The following MAPRE1 variants were observed in gnomAD, a reference collection of about 807,000 sequenced individuals.
The protein encoded by MAPRE1 is microtubule-associated protein RP/EB family member 1.
Under a neutral mutation model 32.1 loss-of-function variants are expected in MAPRE1, and 5 were observed. That is an observed-to-expected ratio of 0.16 (90% CI 0.08 to 0.33). MAPRE1 has a LOEUF of 0.33. MAPRE1 is among the 10% of genes least tolerant of loss of function. The pLI, the probability that MAPRE1 is intolerant of heterozygous loss-of-function variation, is 1.00. For missense variants in MAPRE1, 209 were observed against 327.2 expected (o/e 0.64, Z 2.79); for synonymous variants, 122 against 118.9 (o/e 1.03, Z -0.17).
At chr20:32,844,781 T>G (rs1332133665) in intron 5 of MAPRE1, among the ~76,000 whole-genome samples, 1 of 152,122 alleles carries the variant, frequency 6.6e-6, no homozygotes, top group Non-Finnish European at 1.5e-5. Flanking sequence ...GGCATGTGAT[T>G]AGAAGGCCCC....
intron 5 of MAPRE1, 68 bp from the exon 6 acceptor site, chr20:32,846,550 G>A: frequency 4.7e-6 from 7 of 1,480,108 alleles, no homozygotes; most frequent in Middle Eastern, 2.2e-4. Context: ...TTTTGGGTTA[G>A]AAGTCTGCCT....
chr20:32,823,614 A>G (rs1982762459), intron 1 of MAPRE1, among the ~76,000 whole-genome samples: 1 of 152,226 alleles, frequency 6.6e-6, no homozygotes, highest in African/African-American at 2.4e-5. Flanking sequence ...TACCGCACTT[A>G]AAACCTGAAA....
At chr20:32,843,456 G>A (rs1271453006) in intron 5 of MAPRE1, 4 of 152,168 alleles carry the variant, frequency 2.6e-5, no homozygotes, top group African/African-American at 4.8e-5. Context: ...GTCCAATGAA[G>A]GTAGAAGGTG....
chr20:32,832,963 A>T (rs1049763182), intron 2 of MAPRE1, among the ~76,000 whole-genome samples: 3 of 151,970 alleles, frequency 2.0e-5, no homozygotes, highest in Non-Finnish European at 2.9e-5. Context: ...AATAAATAAA[A>T]AATTAATAGA....
chr20:32,836,351 T>C (rs1382841154), intron 3 of MAPRE1, among the ~76,000 whole-genome samples: 1 of 152,226 alleles, frequency 6.6e-6, no homozygotes, highest in Non-Finnish European at 1.5e-5. Flanking sequence ...TCTTACGATG[T>C]GCTTGGATGG....
At chr20:32,841,994 A>G (rs1357785911) in intron 5 of MAPRE1, among the ~76,000 whole-genome samples, 2 of 151,448 alleles carry the variant, frequency 1.3e-5, no homozygotes, top group Admixed American at 6.6e-5. Context: ...AAAAGTTCAC[A>G]GGAACCAGTT....
At chr20:32,840,821 A>G (rs546953496) in intron 5 of MAPRE1, among the ~76,000 whole-genome samples, 2 of 152,116 alleles carry the variant, frequency 1.3e-5, no homozygotes, top group South Asian at 2.1e-4. Flanking sequence ...TTTATTTTTT[A>G]TTTTCTTTTT....
chr20:32,843,887 T>C (rs1212293801), intron 5 of MAPRE1, among the ~76,000 whole-genome samples: 1 of 151,588 alleles, frequency 6.6e-6, no homozygotes, highest in Non-Finnish European at 1.5e-5. Flanking sequence ...GGAGTTTTGC[T>C]CTGTCACACA....
chr20:32,842,830 T>C (rs7271735), intron 5 of MAPRE1, among the ~76,000 whole-genome samples: 6,795 of 152,196 alleles, frequency 0.045, 188 homozygotes, highest in East Asian at 0.078. Context: ...ACAACTCTTA[T>C]GGGGGAGAGT....
chr20:32,841,195 C>T (rs1395435575), intron 5 of MAPRE1, among the ~76,000 whole-genome samples: 3 of 152,190 alleles, frequency 2.0e-5, no homozygotes, highest in Non-Finnish European at 2.9e-5. Context: ...ACTGGGTCAC[C>T]GTCCTCATCC....
chr20:32,844,479 A>G (rs1436329025), intron 5 of MAPRE1, among the ~76,000 whole-genome samples: 2 of 91,132 alleles, frequency 2.2e-5, no homozygotes, highest in African/African-American at 8.6e-5. Flanking sequence ...TTGTGGCGTG[A>G]TCTCAGCTCA....
chr20:32,836,938 A>G, intron 4 of MAPRE1, 97 bp downstream of exon 4: 1 of 1,049,224 alleles, frequency 9.5e-7, no homozygotes, highest in African/African-American at 1.6e-5. Flanking sequence ...AGGCTTAGGG[A>G]TCTTAAGAAA....
chr20:32,840,807 CTTTTTTA>C (rs1256094418), intron 5 of MAPRE1, among the ~76,000 whole-genome samples: 1 of 152,152 alleles, frequency 6.6e-6, no homozygotes. Flanking sequence ...TCACATTTCA[CTTTTTTA>C]TTTTTTATTT....
Position 32,849,028 on chromosome 20 carries a change from T to C in MAPRE1, c.*300T>C, listed in dbSNP as rs994206215. ...CACACTGAATGCTGGAGAGATGTTA[T>C]GTAATATGCTGAGGTGGCGACCTCA... On this transcript the variant is annotated 3_prime_UTR_variant, in exon 7 of 7. Coordinates refer to ENST00000375571, the MANE Select transcript of MAPRE1 (RefSeq NM_012325.3). The C allele has an allele frequency of 2.5e-5, 6 of 242,124 alleles. No homozygotes were observed. The highest frequency in any genetic ancestry group is 8.9e-5 in the African/African-American group (4 of 44,704). The allele number at this position is 242,124 out of a possible 1,614,324, so 15.0% of individuals were successfully genotyped here. A position where few individuals can be genotyped will look rare whatever the true frequency, so the allele number is the denominator to read the frequency against.
Position 32,839,706 on chromosome 20 carries a change from T to C in MAPRE1, c.476-29T>C, listed in dbSNP as rs762041952. ...TGTTTGTTTGGGCTGGAATTACTCCTTTTCAAAAACCTGTGCTCTCTTTTT... is the reference window on the plus strand; with the variant it reads ...TGTTTGTTTGGGCTGGAATTACTCCCTTTCAAAAACCTGTGCTCTCTTTTT... On this transcript the variant is annotated intron_variant, in intron 4 of 6. Transcript: ENST00000375571. 3 of 1,611,058 alleles carry C rather than the reference T, an allele frequency of 1.9e-6. No individual in the cohort carries two copies. The South Asian group carries it at 3.3e-5, about 18-fold the overall frequency.
At chr20:32,834,268 C>G (rs1290102376) in intron 3 of MAPRE1, among the ~76,000 whole-genome samples, 1 of 152,144 alleles carries the variant, frequency 6.6e-6, no homozygotes, top group Non-Finnish European at 1.5e-5. Context: ...CACCCGTAAT[C>G]CCAGCACTTT....
chr20:32,828,776 ATCTT>A (rs1408617617), intron 2 of MAPRE1, among the ~76,000 whole-genome samples: 1 of 152,204 alleles, frequency 6.6e-6, no homozygotes, highest in Non-Finnish European at 1.5e-5. Flanking sequence ...TTTGAACCAG[ATCTT>A]TCTGAGCACA....
rs1359180028 is a variant in MAPRE1 at position 32,820,258 on chromosome 20, G to C, written c.-4+230G>C. Among the ~76,000 whole-genome samples the C allele has an allele frequency of 2.0e-5, 3 of 151,592 alleles. No homozygotes were observed. The East Asian group carries it at 5.8e-4, about 29-fold the overall frequency. On this transcript the variant is annotated intron_variant, in intron 1 of 6. Transcript: ENST00000375571. Reference sequence around the variant, plus strand: ...CGGGGTCTCGGGCCGGAAGTGGGCTGCTGCTACGCGGGGTGGGGGTTTCTG... The same window carrying C: ...CGGGGTCTCGGGCCGGAAGTGGGCTCCTGCTACGCGGGGTGGGGGTTTCTG...
intron 2 of MAPRE1, among the ~76,000 whole-genome samples, chr20:32,827,323 G>A (rs889865056): frequency 6.6e-6 from 1 of 152,004 alleles, no homozygotes; most frequent in African/African-American, 2.4e-5. Flanking sequence ...CAGGAGAAAC[G>A]CTTGAGCCCG....
Sources: gnomAD v4.1 joint callset for allele counts (sites outside exome capture counted in the v4.1 genomes callset) on GRCh38, gnomAD v4.1.1 for gene constraint, MANE v1.5 for transcripts, NCBI Gene and HGNC (gene_info 2026-07-23, HGNC 2026-07-21) for gene names.